The following CSMD1 variants were observed in gnomAD, a reference collection of about 807,000 sequenced individuals.
The protein encoded by CSMD1 is CUB and Sushi multiple domains 1.
A neutral mutation model predicts 417.5 loss-of-function variants in CSMD1; 213 were observed. The ratio of observed to expected loss-of-function variants is 0.51; its 90% CI spans 0.46 to 0.57. The LOEUF (loss-of-function observed/expected upper bound fraction) is 0.57. Among genes scored for constraint, CSMD1 ranks in the 20% least tolerant of loss-of-function variants. The pLI, the probability that CSMD1 is intolerant of heterozygous loss-of-function variation, is 0.00. For missense variants in CSMD1, 6,923 were observed against 4,529.7 expected (o/e 1.53, Z -15.17); for synonymous variants, 2,862 against 1,736.8 (o/e 1.65, Z -16.11).
At chr8:4,919,169 A>G (rs1285430113) in intron 1 of CSMD1, among the ~76,000 whole-genome samples, 1 of 152,360 alleles carries the variant, frequency 6.6e-6, no homozygotes, top group East Asian at 1.9e-4. Flanking sequence ...CTAAAGTAAA[A>G]TTAAAATCCT....
At chr8:3,957,989 C>T (rs1474802391) in intron 5 of CSMD1, among the ~76,000 whole-genome samples, 1 of 152,110 alleles carries the variant, frequency 6.6e-6, no homozygotes, top group African/African-American at 2.4e-5. Flanking sequence ...TTTTTGCTTG[C>T]TTAACGTTCT....
chr8:4,333,641 G>C (rs571949290), intron 3 of CSMD1, among the ~76,000 whole-genome samples: 35 of 152,202 alleles, frequency 2.3e-4, no homozygotes, highest in African/African-American at 8.2e-4. Context: ...TCTAAATCTA[G>C]ACACACTGAG....
intron 5 of CSMD1, among the ~76,000 whole-genome samples, chr8:3,845,142 T>G (rs987685846): frequency 1.2e-4 from 18 of 152,330 alleles, no homozygotes; most frequent in South Asian, 2.1e-4. Flanking sequence ...AGACATTGAA[T>G]TGAAGGCAGG....
chr8:4,136,196 G>A (rs1051781129), intron 3 of CSMD1, among the ~76,000 whole-genome samples: 5 of 152,286 alleles, frequency 3.3e-5, no homozygotes, highest in Admixed American at 2.6e-4. Context: ...GAACAGCTAT[G>A]TGAACACAAA....
intron 3 of CSMD1, among the ~76,000 whole-genome samples, chr8:4,285,175 T>C (rs1351654040): frequency 1.3e-5 from 2 of 152,100 alleles, no homozygotes; most frequent in Non-Finnish European, 2.9e-5. Context: ...CCATGAATTT[T>C]ATGTTTTTGT....
rs138923768 is a variant in CSMD1 at position 3,486,605 on chromosome 8, G to A, written c.1448+7018C>T. On this transcript the variant is annotated intron_variant, in intron 11 of 69. Coordinates refer to ENST00000635120, the MANE Select transcript of CSMD1 (RefSeq NM_033225.6). ...AGAACAACTGGAAATGACTCCTGCT[G>A]TTCACTCAGCTGCCTGGAGCCCAGA... 5.8e-3 allele frequency among the ~76,000 whole-genome samples: 888 copies of A among 152,356 alleles called. 12 individuals carry two copies. The highest frequency in any genetic ancestry group is 0.021 in the African/African-American group (858 of 41,586).
chr8:4,960,975 A>T lies in CSMD1; in HGVS notation c.85+33357T>A, dbSNP rs73515808. On this transcript the variant is annotated intron_variant, in intron 1 of 69. Coordinates refer to ENST00000635120, the MANE Select transcript of CSMD1 (RefSeq NM_033225.6). The stretch of plus-strand genomic sequence containing the variant: ...TTAAACAATGCACTTAGCCCATCTT[A>T]TCTATTGACATCCTAACATCATAGA... 4.8e-3 allele frequency among the ~76,000 whole-genome samples: 735 copies of T among 152,262 alleles called. 6 individuals are homozygous for T. The highest frequency in any genetic ancestry group is 0.016 in the African/African-American group (682 of 41,570).
chr8:4,361,505 G>C (rs190611928), intron 3 of CSMD1, among the ~76,000 whole-genome samples: 15 of 152,064 alleles, frequency 9.9e-5, no homozygotes, highest in East Asian at 5.8e-4. Flanking sequence ...ATTAGAAGAC[G>C]GAGGCCTGCA....
At chr8:4,301,465 G>T (rs2128873455) in intron 3 of CSMD1, among the ~76,000 whole-genome samples, 1 of 152,286 alleles carries the variant, frequency 6.6e-6, no homozygotes, top group South Asian at 2.1e-4. Flanking sequence ...GACCAGAGTG[G>T]TCCAGGATCT....
At chr8:4,889,619 T>A (rs1803976389) in intron 1 of CSMD1, among the ~76,000 whole-genome samples, 1 of 152,130 alleles carries the variant, frequency 6.6e-6, no homozygotes, top group East Asian at 1.9e-4. Context: ...AATGACTGGC[T>A]TAAGGTTACT....
intron 1 of CSMD1, among the ~76,000 whole-genome samples, chr8:4,767,476 C>T (rs141035617): frequency 4.1e-4 from 63 of 152,268 alleles, no homozygotes; most frequent in Middle Eastern, 3.4e-3. Flanking sequence ...CTGCCTCCCT[C>T]ACCGCTGGCT....
chr8:3,345,275 T>G (rs2117622622), intron 22 of CSMD1, among the ~76,000 whole-genome samples: 1 of 152,266 alleles, frequency 6.6e-6, no homozygotes, highest in East Asian at 1.9e-4. Flanking sequence ...TCCCAGTGGC[T>G]TCATGGTTAC....
chr8:3,526,795 G>C (rs940572572), intron 10 of CSMD1, among the ~76,000 whole-genome samples: 2 of 152,180 alleles, frequency 1.3e-5, no homozygotes, highest in Admixed American at 1.3e-4. Flanking sequence ...ATTTGCAGCA[G>C]ACGACGCTGG....
chr8:3,265,441 C>G (rs113615784), intron 26 of CSMD1, among the ~76,000 whole-genome samples: 1 of 152,166 alleles, frequency 6.6e-6, no homozygotes, highest in African/African-American at 2.4e-5. Context: ...TATTTACTCT[C>G]AGGGATCAGA....
At position 3,514,213 on chromosome 8, in the gene CSMD1, T is replaced by C. The variant is rs1006730344; in HGVS notation, c.1345-20487A>G. ...TGAAGACATGCTCTTGTGTAAAGGA[T>C]ACTAAATAAGACCGGCTTTCTTAGA... On this transcript the variant is annotated intron_variant, in intron 10 of 69. Transcript: ENST00000635120. 2.6e-5 allele frequency among the ~76,000 whole-genome samples: 4 copies of C among 152,248 alleles called. No homozygotes were observed. In the East Asian group the frequency reaches 7.7e-4, roughly 29 times the overall value.
chr8:3,113,488 G>C (rs1158979312), intron 42 of CSMD1: 2 of 152,226 alleles, frequency 1.3e-5, no homozygotes, highest in Non-Finnish European at 2.9e-5. Context: ...TACATATTTT[G>C]ATCCGATTCT....
chr8:3,339,831 T>A (rs775391829), intron 23 of CSMD1, among the ~76,000 whole-genome samples: 1 of 152,192 alleles, frequency 6.6e-6, no homozygotes, highest in Non-Finnish European at 1.5e-5. Flanking sequence ...CACAGAGCTA[T>A]GGGTTATGGC....
chr8:3,920,401 C>G (rs17067986), intron 5 of CSMD1, among the ~76,000 whole-genome samples: 1 of 151,578 alleles, frequency 6.6e-6, no homozygotes, highest in Non-Finnish European at 1.5e-5. Flanking sequence ...ACTGTAGGTT[C>G]TTTTCTAAGA....
intron 56 of CSMD1, among the ~76,000 whole-genome samples, chr8:2,973,784 T>C (rs998517412): frequency 1.3e-5 from 2 of 152,224 alleles, no homozygotes; most frequent in South Asian, 2.1e-4. Context: ...ATAATGTTTT[T>C]TTTCTTCCAA....
Sources: allele counts gnomAD v4.1 joint callset (sites outside exome capture counted in the v4.1 genomes callset), GRCh38; gene constraint gnomAD v4.1.1; transcripts MANE v1.5; gene names NCBI Gene and HGNC (gene_info 2026-07-23, HGNC 2026-07-21).